Variants in MARK1 observed in about 807,000 individuals in gnomAD.
The protein encoded by MARK1 is microtubule affinity regulating kinase 1, also known as serine/threonine-protein kinase MARK1.
Under a neutral mutation model 96.3 loss-of-function variants are expected in MARK1, and 40 were observed. That is an observed-to-expected ratio of 0.42 (90% CI 0.32 to 0.54). The LOEUF (loss-of-function observed/expected upper bound fraction) is 0.54. Among genes scored for constraint, MARK1 ranks in the 20% least tolerant of loss-of-function variants. MARK1 has a pLI of 0.16. For synonymous variants in MARK1, 317 were observed against 341.2 expected, an observed-to-expected ratio of 0.93 and a Z score of 0.78; for missense variants, 719 against 984.6, an observed-to-expected ratio of 0.73 and a Z score of 3.61.
chr1:220,616,027 A>G, intron 7 of MARK1, 32 bp downstream of exon 7: 1 of 1,191,760 alleles, frequency 8.4e-7, no homozygotes, highest in East Asian at 2.4e-5. Flanking sequence ...TTTTAAAAAA[A>G]AAATCGTTAT....
chr1:220,607,479 C>T (rs1280948999), intron 6 of MARK1, among the ~76,000 whole-genome samples: 7 of 151,984 alleles, frequency 4.6e-5, no homozygotes, highest in African/African-American at 1.7e-4. Flanking sequence ...ACAGGGACCT[C>T]TTGACTTCCT....
intron 9 of MARK1, among the ~76,000 whole-genome samples, chr1:220,620,110 C>T (rs1666969166): frequency 1.3e-5 from 2 of 152,030 alleles, no homozygotes; most frequent in African/African-American, 2.4e-5. Flanking sequence ...ATTTTAAATG[C>T]TTTGTGTCAG....
intron 9 of MARK1, among the ~76,000 whole-genome samples, chr1:220,625,575 A>G (rs542674927): frequency 6.6e-6 from 1 of 152,296 alleles, no homozygotes; most frequent in South Asian, 2.1e-4. Context: ...AATAAAAAGG[A>G]ACTTAGGTGG....
chr1:220,556,402 T>A (rs1317999228), intron 1 of MARK1, among the ~76,000 whole-genome samples: 2 of 150,772 alleles, frequency 1.3e-5, no homozygotes, highest in Admixed American at 1.3e-4. Context: ...TTGAAAAAAA[T>A]TTCATGACTT....
chr1:220,639,928 A>C (rs1028702232), intron 13 of MARK1, among the ~76,000 whole-genome samples: 1 of 152,172 alleles, frequency 6.6e-6, no homozygotes, highest in Non-Finnish European at 1.5e-5. Context: ...AAAAGTTTCC[A>C]TTTGTTTTCA....
intron 7 of MARK1, among the ~76,000 whole-genome samples, chr1:220,617,924 A>AT (rs1478761711): frequency 6.6e-6 from 1 of 152,156 alleles, no homozygotes; most frequent in African/African-American, 2.4e-5. Flanking sequence ...TTGGGTAATC[A>AT]TGTTGGTTTA....
chr1:220,547,316 A>T (rs1661570181), intron 1 of MARK1, among the ~76,000 whole-genome samples: 1 of 152,206 alleles, frequency 6.6e-6, no homozygotes. Flanking sequence ...TTACTAGTGA[A>T]TTGTTAACTA....
chr1:220,603,924 G>A (rs1053039857), intron 5 of MARK1, 143 bp from the exon 6 acceptor site: 4 of 479,502 alleles, frequency 8.3e-6, no homozygotes, highest in African/African-American at 2.0e-5. Flanking sequence ...TTCTATTCAT[G>A]TGTTAGTTTG....
At chr1:220,558,148 T>C (rs1662413835) in intron 1 of MARK1, among the ~76,000 whole-genome samples, 1 of 142,990 alleles carries the variant, frequency 7.0e-6, no homozygotes, top group African/African-American at 2.7e-5. Context: ...ATAATAATAA[T>C]AATAATAATA....
At chr1:220,547,742 A>G (rs1320844034) in intron 1 of MARK1, among the ~76,000 whole-genome samples, 3 of 152,046 alleles carry the variant, frequency 2.0e-5, no homozygotes, top group Admixed American at 1.3e-4. Context: ...ATTTTTTTGT[A>G]TTTTTAGTAG....
At chr1:220,656,684 T>A (rs1669195551) in intron 16 of MARK1, among the ~76,000 whole-genome samples, 1 of 152,238 alleles carries the variant, frequency 6.6e-6, no homozygotes, top group South Asian at 2.1e-4. Flanking sequence ...TGAATTTTTA[T>A]TATACTTCCC....
intron 1 of MARK1, among the ~76,000 whole-genome samples, chr1:220,565,503 C>T (rs958426452): frequency 3.3e-5 from 5 of 151,834 alleles, no homozygotes; most frequent in African/African-American, 1.2e-4. Flanking sequence ...CTTGTATATG[C>T]ACTGTTCTGT....
At chr1:220,561,026 A>T (rs539159107) in intron 1 of MARK1, among the ~76,000 whole-genome samples, 1 of 152,122 alleles carries the variant, frequency 6.6e-6, no homozygotes, top group African/African-American at 2.4e-5. Context: ...CCAAGCAAAT[A>T]TGGAAGAGAG....
chr1:220,559,764 G>A (rs1393688437), intron 1 of MARK1, among the ~76,000 whole-genome samples: 2 of 152,210 alleles, frequency 1.3e-5, no homozygotes, highest in African/African-American at 4.8e-5. Context: ...TGATGACTGA[G>A]TGGATCTCTA....
At chr1:220,579,241 A>T in intron 1 of MARK1, 113 bp from the exon 2 acceptor site, 1 of 714,788 alleles carries the variant, frequency 1.4e-6, no homozygotes, top group Non-Finnish European at 2.4e-6. Context: ...AAAAGGATGT[A>T]GTGCAATATG....
intron 5 of MARK1, among the ~76,000 whole-genome samples, chr1:220,601,203 C>A (rs928708002): frequency 1.3e-5 from 2 of 152,104 alleles, no homozygotes; most frequent in Admixed American, 6.5e-5. Flanking sequence ...CAGGCATTAG[C>A]CACCGCGCCT....
intron 1 of MARK1, among the ~76,000 whole-genome samples, chr1:220,551,184 A>G (rs1381798216): frequency 6.6e-6 from 1 of 152,232 alleles, no homozygotes; most frequent in African/African-American, 2.4e-5. Flanking sequence ...AGAGCAGCTG[A>G]AGCAAGTGGT....
At chr1:220,528,982 C>T (rs956608922) in intron 1 of MARK1, 109 bp downstream of exon 1, 18 of 1,103,426 alleles carry the variant, frequency 1.6e-5, no homozygotes, top group Non-Finnish European at 2.3e-5. Flanking sequence ...CCACCCGCGG[C>T]AGGGTCTCCA....
At chr1:220,613,494 C>A (rs1666571083) in intron 6 of MARK1, among the ~76,000 whole-genome samples, 1 of 152,044 alleles carries the variant, frequency 6.6e-6, no homozygotes, top group African/African-American at 2.4e-5. Context: ...TGTTTGGTAA[C>A]CAAATTATTA....
Sources: gnomAD v4.1 joint callset for allele counts (sites outside exome capture counted in the v4.1 genomes callset) on GRCh38, gnomAD v4.1.1 for gene constraint, MANE v1.5 for transcripts, NCBI Gene and HGNC (gene_info 2026-07-23, HGNC 2026-07-21) for gene names.